The following NSD2 variants were observed in gnomAD, a reference collection of about 807,000 sequenced individuals.
The protein encoded by NSD2 is histone-lysine N-methyltransferase NSD2.
NSD2 carries 12 observed loss-of-function variants against 139.0 expected under a neutral mutation model. The ratio of observed to expected loss-of-function variants is 0.09; its 90% CI spans 0.06 to 0.14. The LOEUF is 0.14. Ranked by LOEUF, NSD2 falls within the 10% of genes least tolerant of loss-of-function variation. The pLI, the probability that NSD2 is intolerant of heterozygous loss-of-function variation, is 1.00. For missense variants in NSD2, 1,155 were observed against 1,745.0 expected, an observed-to-expected ratio of 0.66 and a Z score of 6.02; for synonymous variants, 669 against 648.7, an observed-to-expected ratio of 1.03 and a Z score of -0.48.
At chr4:1,965,445 A>G (rs1725789868) in intron 18 of NSD2, among the ~76,000 whole-genome samples, 1 of 152,236 alleles carries the variant, frequency 6.6e-6, no homozygotes, top group East Asian at 1.9e-4. Context: ...AGAAAGAGGC[A>G]GAGACAACTT....
chr4:1,962,464 C>G (rs893374200), intron 18 of NSD2, among the ~76,000 whole-genome samples: 4 of 152,154 alleles, frequency 2.6e-5, no homozygotes, highest in Non-Finnish European at 5.9e-5. Flanking sequence ...AAGAGAATGA[C>G]TTGTGATGTG....
chr4:1,978,019 C>G (rs151210647), intron 21 of NSD2, among the ~76,000 whole-genome samples: 7 of 150,960 alleles, frequency 4.6e-5, no homozygotes, highest in African/African-American at 1.7e-4. Flanking sequence ...CCTGGCTACT[C>G]GGAAGGGTGA....
intron 18 of NSD2, among the ~76,000 whole-genome samples, chr4:1,966,664 A>T (rs956843381): frequency 3.3e-5 from 5 of 151,996 alleles, no homozygotes; most frequent in Admixed American, 6.5e-5. Flanking sequence ...CTCAAAAAAA[A>T]AAAAAAAAAG....
rs991769364 is a variant in NSD2 at position 1,978,967 on chromosome 4, C to T, written c.*58C>T. Reference sequence around the variant, plus strand: ...GGTGCAGGGCGGCCGGCCCTGCCTGCGGGAGAGGGCGAGCATGAACTGGCC... The same window carrying T: ...GGTGCAGGGCGGCCGGCCCTGCCTGTGGGAGAGGGCGAGCATGAACTGGCC... On this transcript the variant is annotated 3_prime_UTR_variant, in exon 22 of 22. Coordinates refer to ENST00000508803, the MANE Select transcript of NSD2 (RefSeq NM_001042424.3). 4.9e-6 allele frequency: 7 copies of T among 1,439,760 alleles called. No homozygotes were observed. The highest frequency in any genetic ancestry group is 2.9e-5 in the African/African-American group (2 of 69,510). The allele number at this position is 1,439,760 out of a possible 1,614,324, so 89.2% of individuals were successfully genotyped here. A position where few individuals can be genotyped will look rare whatever the true frequency, so the allele number is the denominator to read the frequency against.
chr4:1,965,708 CAG>C (rs768675844), intron 18 of NSD2, among the ~76,000 whole-genome samples: 5 of 152,144 alleles, frequency 3.3e-5, no homozygotes, highest in African/African-American at 1.2e-4. Flanking sequence ...TTCCACATAA[CAG>C]GGGAGGCCTC....
chr4:1,947,016 G>T (rs576841528), intron 9 of NSD2: 1 of 1,063,714 alleles, frequency 9.4e-7, no homozygotes, highest in Non-Finnish European at 1.1e-6. Context: ...AATGACTGAG[G>T]TAGGGGTGGG....
intron 5 of NSD2, among the ~76,000 whole-genome samples, chr4:1,928,071 C>CTT (rs568094064): frequency 2.9e-5 from 4 of 139,032 alleles, no homozygotes; most frequent in South Asian, 2.3e-4. Flanking sequence ...AAAATAATTT[C>CTT]TTTTTTTTTT....
chr4:1,951,669 T>G (rs1724286059), intron 10 of NSD2, among the ~76,000 whole-genome samples: 1 of 152,194 alleles, frequency 6.6e-6, no homozygotes, highest in Non-Finnish European at 1.5e-5. Context: ...ACCTACACTC[T>G]GTGCTTCAGT....
intron 5 of NSD2, among the ~76,000 whole-genome samples, chr4:1,920,077 C>A (rs1577440272): frequency 6.6e-6 from 1 of 152,258 alleles, no homozygotes; most frequent in South Asian, 2.1e-4. Context: ...TGTGAGTATT[C>A]TAATAAATCT....
rs1723894906 is a variant in NSD2 at position 1,948,680 on chromosome 4, T to C, written c.1882-2392T>C. On this transcript the variant is annotated intron_variant, in intron 9 of 21. Coordinates refer to ENST00000508803, the MANE Select transcript of NSD2 (RefSeq NM_001042424.3). This position sits in a 1 kb window ranked among gnomAD's most constrained non-coding sequence, Gnocchi z 4.5. ...ATGAGCCTCATGTGTGTCGTTAACATTTATATATTTCCATTCAAAATATGT... is the reference window on the plus strand; with the variant it reads ...ATGAGCCTCATGTGTGTCGTTAACACTTATATATTTCCATTCAAAATATGT... 9.5e-7 allele frequency: 1 copy of C among 1,056,592 alleles called. No individual in the cohort carries two copies. Among genetic ancestry groups the C allele is most frequent in the Non-Finnish European group, 1.1e-6 (1 of 872,756 alleles). The allele number at this position is 1,056,592 out of a possible 1,614,324, so 65.5% of individuals were successfully genotyped here.
rs1359955856 is a variant in NSD2, at chr4:1,918,211, C to T, written c.998C>T (p.Ala333Val). 6.2e-7 allele frequency: 1 copy of T among 1,613,164 alleles called. No homozygotes were observed. The highest frequency in any genetic ancestry group is 8.5e-7 in the Non-Finnish European group (1 of 1,179,948). ...EMGIVQAEEA[A>V]SMSVEERKAK... is the part of the protein sequence containing the mutation. ...GGCATTGTTCAAGCAGAAGAAGCTG[C>T]AAGCATGTCAGTGGAGGAGCGGAAA... The change falls in exon 5 of 22, where the codon GCA (alanine) becomes GTA (valine). Residue 333 changes from alanine to valine, a missense_variant. By Grantham distance (64) the Ala-to-Val change is moderately conservative (BLOSUM62 0). This residue lies in a region of NSD2 where 420 missense variants were observed against 469.0 expected (regional missense o/e 0.90). Transcript: ENST00000508803.
Position 1,974,720 on chromosome 4 carries a change from T to C in NSD2, c.3373-143T>C, listed in dbSNP as rs773478602. Reference sequence around the variant, plus strand: ...AAACAGGACTGGTTTGGGGGTGTCCTGTCTCAGTGGACACAGGACACCACG... The same window carrying C: ...AAACAGGACTGGTTTGGGGGTGTCCCGTCTCAGTGGACACAGGACACCACG... On this transcript the variant is annotated intron_variant, in intron 18 of 21. Transcript: ENST00000508803. The surrounding 1 kb of genome is among the most constrained non-coding windows in gnomAD (Gnocchi z 4.0). 2 of 1,173,888 alleles carry C rather than the reference T, an allele frequency of 1.7e-6. No individual in the cohort carries two copies. Among genetic ancestry groups the C allele is most frequent in the South Asian group, 2.5e-5 (2 of 81,630 alleles). 72.7% of individuals were successfully genotyped at this position (1,173,888 alleles called of 1,614,324 possible). A position where few individuals can be genotyped will look rare whatever the true frequency, so the allele number is the denominator to read the frequency against.
In NSD2 at chr4:1,903,732, A is replaced by ATT. The variant is rs1219690096; in HGVS notation, c.598-465_598-464dup. Among the ~76,000 whole-genome samples, 914 of 136,598 alleles carry ATT rather than the reference A, an allele frequency of 6.7e-3. 12 individuals carry two copies. The highest frequency in any genetic ancestry group is 0.024 in the African/African-American group (857 of 35,602). 89.6% of individuals were successfully genotyped at this position (136,598 alleles called of 152,430 possible). Reference sequence around the variant, plus strand: ...TCCTTTAGCTGAGAGTGAGAGAGAAATTTTTTTTTTTTTTTTTTTTGAGAT... The same window carrying ATT: ...TCCTTTAGCTGAGAGTGAGAGAGAAATTTTTTTTTTTTTTTTTTTTTTGAGAT... On this transcript the variant is annotated intron_variant, in intron 2 of 21. Transcript: ENST00000508803.
chr4:1,960,595 G>C (rs1234236509), intron 17 of NSD2, among the ~76,000 whole-genome samples: 1 of 152,224 alleles, frequency 6.6e-6, no homozygotes, highest in Non-Finnish European at 1.5e-5. Context: ...TCCAGCAACA[G>C]CACAAAAGGT....
chr4:1,881,299 A>G (rs964699823), intron 1 of NSD2, among the ~76,000 whole-genome samples: 3 of 151,962 alleles, frequency 2.0e-5, no homozygotes, highest in Non-Finnish European at 2.9e-5. Flanking sequence ...CTTGCTTTCC[A>G]TCACACAGGC....
chr4:1,958,345 C>CT lies in NSD2; in HGVS notation c.2985+310dup, dbSNP rs1354384564. Among the ~76,000 whole-genome samples, 1 of 152,232 alleles carries CT rather than the reference C, an allele frequency of 6.6e-6. No homozygotes were observed. The highest frequency in any genetic ancestry group is 1.5e-5 in the Non-Finnish European group (1 of 68,038). ...GGATGAGCCTCCCACCTGCACCAGG[C>CT]TGTTGCCAAGTGCTGGGAGTCAGTC... On this transcript the variant is annotated intron_variant, in intron 16 of 21. Transcript: ENST00000508803. This position sits in a 1 kb window ranked among gnomAD's most constrained non-coding sequence, Gnocchi z 4.6.
chr4:1,893,672 C>G (rs1715851933), intron 1 of NSD2: 1 of 152,024 alleles, frequency 6.6e-6, no homozygotes, highest in African/African-American at 2.4e-5. Context: ...CTGCCACAGC[C>G]TCCCCAGTAG....
Position 1,900,957 on chromosome 4 carries a change from G to T in NSD2, c.303G>T (p.Glu101Asp). 6.2e-7 allele frequency: 1 copy of T among 1,614,162 alleles called. No individual in the cohort carries two copies. Among genetic ancestry groups the T allele is most frequent in the Non-Finnish European group, 8.5e-7 (1 of 1,180,034 alleles). The change falls in exon 2 of 22, where the codon GAG becomes GAT. Residue 101 changes from glutamate (E) to aspartate (D), a missense_variant. By Grantham distance (45) the Glu-to-Asp change is conservative. Coordinates refer to ENST00000508803, the MANE Select transcript of NSD2 (RefSeq NM_001042424.3). The part of the protein sequence containing the change: ...PGAHDAKLRF[E>D]SQEMKGIGTP... The stretch of plus-strand genomic sequence containing the variant: ...CACACGATGCCAAACTGCGTTTTGA[G>T]TCCCAGGAAATGAAAGGGATTGGGA...
At position 1,935,267 on chromosome 4, in the gene NSD2, T is replaced by C. The variant is rs753855776; in HGVS notation, c.1674+5T>C. On this transcript the variant is annotated splice_donor_5th_base_variant and intron_variant, in intron 7 of 21. Transcript: ENST00000508803. ...GACAAGCACAGTCTTCGGAAGGTAA[T>C]TGTGTTCCAGGTTTGCTTGACCTGT... The C allele has an allele frequency of 9.3e-6, 15 of 1,609,328 alleles. No individual in the cohort carries two copies. In the African/African-American group the frequency reaches 9.4e-5, roughly 10 times the overall value.
Sources: gnomAD v4.1 joint callset for allele counts (sites outside exome capture counted in the v4.1 genomes callset) on GRCh38, gnomAD v4.1.1 for gene constraint, gnomAD v4.1.1 regional missense constraint, Gnocchi (gnomAD v3.1) non-coding constraint, MANE v1.5 for transcripts, NCBI Gene and HGNC (gene_info 2026-07-23, HGNC 2026-07-21) for gene names.